The following INPPL1 variants were observed in gnomAD, a reference collection of about 807,000 sequenced individuals.
INPPL1 encodes inositol polyphosphate phosphatase like 1.
A neutral mutation model predicts 139.3 loss-of-function variants in INPPL1; 91 were observed. The ratio of observed to expected loss-of-function variants is 0.65; its 90% CI spans 0.55 to 0.78. The LOEUF (loss-of-function observed/expected upper bound fraction) is 0.78. Ranked by LOEUF, INPPL1 falls within the 30% of genes least tolerant of loss-of-function variation. The probability of loss-of-function intolerance (pLI) is 0.00; values close to 1 mark genes in which losing one functional copy is unlikely to be tolerated. For synonymous variants in INPPL1, 719 were observed against 686.6 expected (o/e 1.05, Z -0.74); for missense variants, 1,411 against 1,665.6 (o/e 0.85, Z 2.66).
At position 72,233,639 on chromosome 11, in the gene INPPL1, T is replaced by G. The variant is rs776478196; in HGVS notation, c.2123-16T>G. The G allele has an allele frequency of 6.2e-7, 1 of 1,613,004 alleles. No individual in the cohort carries two copies. The highest frequency in any genetic ancestry group is 1.7e-5 in the Admixed American group (1 of 60,016). Reference sequence around the variant, plus strand: ...AATATTCCCCCTGAGTCCCCATTCCTATCCCCTCTCCCCAGGTTGCACTGA... The same window carrying G: ...AATATTCCCCCTGAGTCCCCATTCCGATCCCCTCTCCCCAGGTTGCACTGA... On this transcript the variant is annotated splice_polypyrimidine_tract_variant and intron_variant, in intron 18 of 27. Coordinates refer to ENST00000298229, the MANE Select transcript of INPPL1 (RefSeq NM_001567.4).
In INPPL1 at chr11:72,238,098, C is replaced by CT; in HGVS notation, c.3610dup (p.Trp1204LeufsTer11). The CT allele has an allele frequency of 6.3e-7, 1 of 1,582,712 alleles. No homozygotes were observed. Among genetic ancestry groups the CT allele is most frequent in the Non-Finnish European group, 8.6e-7 (1 of 1,164,102 alleles). On this transcript the variant is annotated frameshift_variant, in exon 27 of 28. Transcript: ENST00000298229. LOFTEE classifies it high-confidence loss of function. ...GGCTGGGCGAGGCAGGCATGAGTGC[C>CT]TGGCTGCGGGCCATCGGCTTGGAGC...
chr11:72,232,118 A>G lies in INPPL1; in HGVS notation c.1616-122A>G, dbSNP rs535894330. The G allele has an allele frequency of 1.7e-4, 133 of 780,090 alleles. No individual in the cohort carries two copies. The African/African-American group carries it at 2.1e-3, about 12-fold the overall frequency. The allele number at this position is 780,090 out of a possible 1,614,324, so 48.3% of individuals were successfully genotyped here. On this transcript the variant is annotated intron_variant, in intron 13 of 27. Coordinates refer to ENST00000298229, the MANE Select transcript of INPPL1 (RefSeq NM_001567.4). ...TGTGGGTGTGTGCAGGGGCCTGCCC[A>G]TGTCACAGCGTCTGGTGGGCTCAGC...
At chr11:72,227,548 C>A (rs1390269118) in intron 1 of INPPL1, among the ~76,000 whole-genome samples, 1 of 152,140 alleles carries the variant, frequency 6.6e-6, no homozygotes, top group Non-Finnish European at 1.5e-5. Flanking sequence ...TTCCATCCCC[C>A]GCTGATTGTG....
In INPPL1 at chr11:72,234,208, G is replaced by T; in HGVS notation, c.2213-73G>T. The T allele has an allele frequency of 8.5e-7, 1 of 1,181,590 alleles. No homozygotes were observed. Among genetic ancestry groups the T allele is most frequent in the South Asian group, 1.2e-5 (1 of 80,414 alleles). 73.2% of individuals were successfully genotyped at this position (1,181,590 alleles called of 1,614,324 possible). A position where few individuals can be genotyped will look rare whatever the true frequency, so the allele number is the denominator to read the frequency against. On this transcript the variant is annotated intron_variant, in intron 19 of 27. Coordinates refer to ENST00000298229, the MANE Select transcript of INPPL1 (RefSeq NM_001567.4). This position sits in a 1 kb window ranked among gnomAD's most constrained non-coding sequence, Gnocchi z 4.2. ...TGGACCCCTGATTTCCTGTCCCAGG[G>T]CCCTGTTTCTCTGTCCCATTCCTCC...
Position 72,228,942 on chromosome 11 carries a change from A to G in INPPL1, c.518+95A>G. The stretch of plus-strand genomic sequence containing the variant: ...TGGGGAGGCCTTCTAAGACCCCACC[A>G]GGGACCCCCACCCCACCTCAGCCCA... On this transcript the variant is annotated intron_variant, in intron 4 of 27. Coordinates refer to ENST00000298229, the MANE Select transcript of INPPL1 (RefSeq NM_001567.4). The surrounding 1 kb of genome is among the most constrained non-coding windows in gnomAD (Gnocchi z 5.0). 16 of 1,519,816 alleles carry G rather than the reference A, an allele frequency of 1.1e-5. No homozygotes were observed. Among genetic ancestry groups the G allele is most frequent in the Middle Eastern group, 3.6e-4 (2 of 5,628 alleles). 94.1% of individuals were successfully genotyped at this position (1,519,816 alleles called of 1,614,324 possible). A position where few individuals can be genotyped will look rare whatever the true frequency, so the allele number is the denominator to read the frequency against.
intron 5 of INPPL1, 65 bp from the exon 6 acceptor site, chr11:72,229,400 C>T (rs1454463058): frequency 1.3e-6 from 2 of 1,513,706 alleles, no homozygotes; most frequent in African/African-American, 1.4e-5. Context: ...TGAGGCTACA[C>T]CCAGCGCCCC....
At chr11:72,231,469 G>A in intron 12 of INPPL1, 29 bp from the exon 13 acceptor site, 1 of 1,508,004 alleles carries the variant, frequency 6.6e-7, no homozygotes, top group Non-Finnish European at 9.2e-7. Flanking sequence ...GTGCAGCAGG[G>A]CAGTGGTGAC....
At position 72,238,072 on chromosome 11, in the gene INPPL1, G is replaced by C. The variant is rs757863805; in HGVS notation, c.3583G>C (p.Gly1195Arg). The C allele has an allele frequency of 1.3e-5, 20 of 1,570,868 alleles. No homozygotes were observed. Among genetic ancestry groups the C allele is most frequent in the Non-Finnish European group, 1.6e-5 (19 of 1,158,788 alleles). Residue 1195 changes from glycine to arginine, a missense_variant, in exon 27 of 28, where the codon GGG becomes CGG. Physicochemically the swap from Gly to Arg is moderately radical, Grantham distance 125. This residue lies in a region of INPPL1 where 438 missense variants were observed against 425.7 expected (regional missense o/e 1.03). Coordinates refer to ENST00000298229, the MANE Select transcript of INPPL1 (RefSeq NM_001567.4). ...APCLQGGRAS[G>R]LGEAGMSAWL... ...GTGCCTGCAGGGCGGGCGGGCCAGCGGGCTGGGCGAGGCAGGCATGAGTGC... is the reference window on the plus strand; with the variant it reads ...GTGCCTGCAGGGCGGGCGGGCCAGCCGGCTGGGCGAGGCAGGCATGAGTGC...
At chr11:72,231,684 G>T in intron 13 of INPPL1, 69 bp downstream of exon 13, 1 of 1,099,832 alleles carries the variant, frequency 9.1e-7, no homozygotes, top group African/African-American at 1.5e-5. Context: ...TTCCTCTCAA[G>T]CCTAGGATTG....
intron 19 of INPPL1, among the ~76,000 whole-genome samples, 200 bp downstream of exon 19, chr11:72,233,944 G>T (rs907107671): frequency 2.6e-5 from 4 of 152,172 alleles, no homozygotes; most frequent in African/African-American, 9.7e-5. Flanking sequence ...CCATGAGTGT[G>T]TGTGCATACG....
In INPPL1 at chr11:72,229,761, A is replaced by G; in HGVS notation, c.843+9A>G. 6.2e-7 allele frequency: 1 copy of G among 1,612,428 alleles called. No individual in the cohort carries two copies. On this transcript the variant is annotated intron_variant, in intron 7 of 27. Coordinates refer to ENST00000298229, the MANE Select transcript of INPPL1 (RefSeq NM_001567.4). ...CAGGCATCCAGAAGAAGGTGGCATG[A>G]TCTCTGACCCTTGACCCCCGATTCA...
At chr11:72,227,971 G>A in intron 1 of INPPL1, 1 of 502,868 alleles carries the variant, frequency 2.0e-6, no homozygotes, top group Admixed American at 3.1e-5. Flanking sequence ...GGTCTGGTGG[G>A]GAGACGGGGG....
intron 1 of INPPL1, chr11:72,225,610 G>C: frequency 6.0e-6 from 5 of 829,658 alleles, no homozygotes; most frequent in Non-Finnish European, 7.3e-6. Flanking sequence ...GCTTCCTTAG[G>C]GCCCCTTTCG....
chr11:72,231,720 C>T (rs1948840752), intron 13 of INPPL1, 105 bp downstream of exon 13: 2 of 799,536 alleles, frequency 2.5e-6, no homozygotes, highest in Admixed American at 1.8e-5. Flanking sequence ...TCTTAGTTTC[C>T]CCATATATAG....
chr11:72,227,970 G>C, intron 1 of INPPL1: 3 of 501,442 alleles, frequency 6.0e-6, no homozygotes, highest in Non-Finnish European at 1.1e-5. Context: ...AGGTCTGGTG[G>C]GGAGACGGGG....
Position 72,235,997 on chromosome 11 carries a change from G to A in INPPL1, c.2879+11G>A. On this transcript the variant is annotated intron_variant, in intron 25 of 27. Coordinates refer to ENST00000298229, the MANE Select transcript of INPPL1 (RefSeq NM_001567.4). This position sits in a 1 kb window ranked among gnomAD's most constrained non-coding sequence, Gnocchi z 4.9. Reference sequence around the variant, plus strand: ...GCCCTTGACCCCCAGGTGAGAGGAGGAACCTGTCACCGCCCCCCCTTCCCC... The same window carrying A: ...GCCCTTGACCCCCAGGTGAGAGGAGAAACCTGTCACCGCCCCCCCTTCCCC... 6.6e-7 allele frequency: 1 copy of A among 1,517,100 alleles called. No homozygotes were observed. Among genetic ancestry groups the A allele is most frequent in the Non-Finnish European group, 9.0e-7 (1 of 1,113,768 alleles). The allele number at this position is 1,517,100 out of a possible 1,614,324, so 94.0% of individuals were successfully genotyped here.
At chr11:72,229,351 G>T in intron 5 of INPPL1, 114 bp from the exon 6 acceptor site, 2 of 1,412,928 alleles carry the variant, frequency 1.4e-6, no homozygotes, top group South Asian at 1.2e-5. Context: ...ATTGCCTCTT[G>T]ACTTTCCTCA....
At position 72,230,480 on chromosome 11, in the gene INPPL1, G is replaced by C. The variant is rs750268679; in HGVS notation, c.1197+12G>C. ...TTGTCAGTGCCCGGGTGAGCAGCAGGCTGGGCCAGGCCACTGGGGACTGCG... is the reference window on the plus strand; with the variant it reads ...TTGTCAGTGCCCGGGTGAGCAGCAGCCTGGGCCAGGCCACTGGGGACTGCG... On this transcript the variant is annotated intron_variant, in intron 10 of 27. Transcript: ENST00000298229. 6.2e-7 allele frequency: 1 copy of C among 1,612,186 alleles called. No homozygotes were observed. The highest frequency in any genetic ancestry group is 1.1e-5 in the South Asian group (1 of 91,000).
Position 72,237,424 on chromosome 11 carries a change from C to G in INPPL1, c.3180C>G (p.Asp1060Glu). Residue 1060 changes from aspartate to glutamate, a missense_variant, in exon 26 of 28, where the codon GAC becomes GAG. Transcript: ENST00000298229. ...PPDFPPPPLP[D>E]SAIFLPPSLD... ...ACTTTCCACCTCCACCACTGCCGGA[C>G]TCAGCCATCTTCCTGCCCCCCAGCC... 4 of 1,611,414 alleles carry G rather than the reference C, an allele frequency of 2.5e-6. No individual in the cohort carries two copies. The South Asian group carries it at 3.3e-5, about 13-fold the overall frequency.
Sources: allele counts gnomAD v4.1 joint callset (sites outside exome capture counted in the v4.1 genomes callset), GRCh38; gene constraint gnomAD v4.1.1; regional missense constraint gnomAD v4.1.1; non-coding constraint Gnocchi (gnomAD v3.1); transcripts MANE v1.5; gene names NCBI Gene and HGNC (gene_info 2026-07-23, HGNC 2026-07-21).